The following MACROD2 variants were observed in gnomAD, a reference collection of about 807,000 sequenced individuals.
MACROD2 encodes the protein ADP-ribose glycohydrolase MACROD2.
In MACROD2, 36 loss-of-function variants were observed where a neutral mutation model predicts 70.4. That is an observed-to-expected ratio of 0.51 (90% confidence interval 0.39 to 0.68). The LOEUF (loss-of-function observed/expected upper bound fraction) is 0.68, where lower values mean the gene tolerates loss of function less well. MACROD2 is among the 30% of genes least tolerant of loss of function. MACROD2 has a pLI of 0.00. For synonymous variants in MACROD2, 172 were observed against 178.8 expected, an observed-to-expected ratio of 0.96 and a Z score of 0.30; for missense variants, 496 against 538.4, an observed-to-expected ratio of 0.92 and a Z score of 0.78.
chr20:15,179,519 C>T (rs1213066630), intron 5 of MACROD2, among the ~76,000 whole-genome samples: 2 of 152,160 alleles, frequency 1.3e-5, no homozygotes, highest in Non-Finnish European at 2.9e-5. Context: ...CATCTGGGTG[C>T]AGACTGTTTT....
chr20:15,627,778 TCTC>T (rs1283236728), intron 8 of MACROD2, among the ~76,000 whole-genome samples: 2 of 152,182 alleles, frequency 1.3e-5, no homozygotes, highest in Non-Finnish European at 2.9e-5. Flanking sequence ...TTCCTGCCCT[TCTC>T]CTAGCCTGAT....
chr20:14,012,578 T>C (rs1025728434), intron 2 of MACROD2, among the ~76,000 whole-genome samples: 2 of 152,228 alleles, frequency 1.3e-5, no homozygotes, highest in Admixed American at 6.5e-5. Context: ...CAGACCTAAA[T>C]ATCAAGCACT....
At chr20:15,386,744 TC>T (rs2045718588) in intron 6 of MACROD2, among the ~76,000 whole-genome samples, 1 of 152,194 alleles carries the variant, frequency 6.6e-6, no homozygotes. Flanking sequence ...TTCATTTTTT[TC>T]CCCTTGTACA....
At chr20:15,085,094 A>C (rs976914435) in intron 5 of MACROD2, among the ~76,000 whole-genome samples, 1 of 152,196 alleles carries the variant, frequency 6.6e-6, no homozygotes, top group Non-Finnish European at 1.5e-5. Context: ...CTCCCTGAGT[A>C]AATCCTCACA....
chr20:15,367,399 TTC>T (rs1309430073), intron 6 of MACROD2, among the ~76,000 whole-genome samples: 1 of 152,236 alleles, frequency 6.6e-6, no homozygotes, highest in Non-Finnish European at 1.5e-5. Flanking sequence ...TTGTAATAAA[TTC>T]TCTTGGGAGA....
intron 5 of MACROD2, chr20:14,895,169 A>T (rs562404025): frequency 1.3e-5 from 2 of 152,326 alleles, no homozygotes; most frequent in African/African-American, 4.8e-5. Flanking sequence ...GAAATAAAAA[A>T]GCTAGGAAGG....
At chr20:15,713,248 A>G (rs948191939) in intron 8 of MACROD2, among the ~76,000 whole-genome samples, 7 of 152,232 alleles carry the variant, frequency 4.6e-5, no homozygotes, top group Non-Finnish European at 1.0e-4. Flanking sequence ...GAGTTTAAAA[A>G]AGACCATTGC....
At chr20:14,885,658 C>T (rs2073665459) in intron 5 of MACROD2, among the ~76,000 whole-genome samples, 1 of 152,202 alleles carries the variant, frequency 6.6e-6, no homozygotes, top group Non-Finnish European at 1.5e-5. Context: ...TCACTAGCCA[C>T]ACCTTGTTAT....
At chr20:15,574,995 C>T (rs1015231190) in intron 8 of MACROD2, among the ~76,000 whole-genome samples, 4 of 152,070 alleles carry the variant, frequency 2.6e-5, no homozygotes, top group African/African-American at 4.8e-5. Flanking sequence ...TTTATATGTA[C>T]GTACCTATAT....
At position 15,697,993 on chromosome 20, in the gene MACROD2, T is replaced by C. The variant is rs988177130; in HGVS notation, c.646-164752T>C. ...CTAAAGGCAGCAGATGGTTTGTTGA[T>C]GAGTTCTTATTCATTCTGCAGTTCT... On this transcript the variant is annotated intron_variant, in intron 8 of 17. Coordinates refer to ENST00000684519, the MANE Select transcript of MACROD2 (RefSeq NM_001351661.2). Among the ~76,000 whole-genome samples, 8 of 152,332 alleles carry C rather than the reference T, an allele frequency of 5.3e-5. No individual in the cohort carries two copies. In the East Asian group the frequency reaches 1.5e-3, roughly 29 times the overall value.
At chr20:14,083,110 T>C (rs972986857) in intron 2 of MACROD2, among the ~76,000 whole-genome samples, 6 of 132,104 alleles carry the variant, frequency 4.5e-5, no homozygotes, top group African/African-American at 1.7e-4. Flanking sequence ...AAATAATATT[T>C]GTCACCTTTG....
intron 8 of MACROD2, among the ~76,000 whole-genome samples, chr20:15,635,240 A>G (rs973542600): frequency 6.6e-6 from 1 of 152,232 alleles, no homozygotes; most frequent in Non-Finnish European, 1.5e-5. Context: ...GTTATAGTTT[A>G]CTGAGTATCT....
At chr20:15,990,646 G>A (rs1443611787) in intron 15 of MACROD2, among the ~76,000 whole-genome samples, 1 of 152,132 alleles carries the variant, frequency 6.6e-6, no homozygotes, top group African/African-American at 2.4e-5. Context: ...CATATGGGCA[G>A]GCATGCAAGT....
intron 3 of MACROD2, among the ~76,000 whole-genome samples, chr20:14,226,816 A>G (rs1230961189): frequency 7.9e-5 from 12 of 151,994 alleles, no homozygotes; most frequent in Non-Finnish European, 4.4e-5. Context: ...CTGTGCGGCC[A>G]AGCCTCCCCG....
At chr20:15,372,702 T>C (rs17301709) in intron 6 of MACROD2, among the ~76,000 whole-genome samples, 29,419 of 152,158 alleles carry the variant, frequency 0.19, 2,976 homozygotes, top group East Asian at 0.28. Flanking sequence ...TAAATTTTAT[T>C]GTGGAAAAAA....
intron 3 of MACROD2, among the ~76,000 whole-genome samples, chr20:14,169,354 G>A (rs1202092989): frequency 6.6e-6 from 1 of 152,164 alleles, no homozygotes; most frequent in Non-Finnish European, 1.5e-5. Context: ...GCCCAGGGTG[G>A]AGTGCAATGG....
intron 5 of MACROD2, among the ~76,000 whole-genome samples, chr20:15,181,533 T>A (rs1479133427): frequency 1.3e-5 from 2 of 152,214 alleles, no homozygotes; most frequent in East Asian, 3.9e-4. Context: ...TGTTAAGCAA[T>A]GAATTTTAGA....
intron 8 of MACROD2, among the ~76,000 whole-genome samples, chr20:15,847,564 T>C (rs777163361): frequency 6.6e-6 from 1 of 152,150 alleles, no homozygotes; most frequent in Non-Finnish European, 1.5e-5. Flanking sequence ...CACTGCAGCA[T>C]TTAGCGTCAC....
intron 6 of MACROD2, among the ~76,000 whole-genome samples, chr20:15,327,080 G>T (rs1043170053): frequency 5.9e-5 from 9 of 152,134 alleles, no homozygotes; most frequent in African/African-American, 2.2e-4. Flanking sequence ...ATAAGGAAAT[G>T]AAGACCTGAA....
Sources: allele counts gnomAD v4.1 joint callset (sites outside exome capture counted in the v4.1 genomes callset), GRCh38; gene constraint gnomAD v4.1.1; transcripts MANE v1.5; gene names NCBI Gene and HGNC (gene_info 2026-07-23, HGNC 2026-07-21).